Variants in COL28A1 observed in about 807,000 individuals in gnomAD.
The protein encoded by COL28A1 is collagen alpha-1(XXVIII) chain.
COL28A1 carries 161 observed loss-of-function variants against 150.2 expected under a neutral mutation model. The ratio of observed to expected loss-of-function variants is 1.07; its 90% CI spans 0.94 to 1.22. The LOEUF is 1.22. Ranked by LOEUF, COL28A1 falls within the 50% of genes most tolerant of loss-of-function variation. The pLI, the probability that COL28A1 is intolerant of heterozygous loss-of-function variation, is 0.00. For synonymous variants in COL28A1, 552 were observed against 469.7 expected (o/e 1.18, Z -2.26); for missense variants, 1,617 against 1,388.3 (o/e 1.16, Z -2.62).
intron 11 of COL28A1, among the ~76,000 whole-genome samples, chr7:7,502,523 A>G (rs867584118): frequency 6.6e-6 from 1 of 152,172 alleles, no homozygotes; most frequent in Non-Finnish European, 1.5e-5. Flanking sequence ...CAAGAGAAAG[A>G]CCATTTGTAA....
chr7:7,487,911 A>G (rs1779715867), intron 13 of COL28A1, among the ~76,000 whole-genome samples: 1 of 152,164 alleles, frequency 6.6e-6, no homozygotes, highest in South Asian at 2.1e-4. Flanking sequence ...AGGAAGCCCA[A>G]GCAACCACTG....
At chr7:7,399,182 C>A (rs1299761668) in intron 27 of COL28A1, among the ~76,000 whole-genome samples, 1 of 152,118 alleles carries the variant, frequency 6.6e-6, no homozygotes, top group Admixed American at 6.6e-5. Context: ...CTCCACTCAC[C>A]CCTCAGGCTC....
In COL28A1 at chr7:7,463,208, G is replaced by A. The variant is rs188743127; in HGVS notation, c.1303-7096C>T. ...CACCTGGGAGATTCATCGCAAAAAA[G>A]ATCATCACCCAGGAACACTGTCATC... On this transcript the variant is annotated intron_variant, in intron 15 of 34. Transcript: ENST00000399429. Among the ~76,000 whole-genome samples the A allele has an allele frequency of 7.4e-4, 113 of 152,206 alleles. 1 individual carries two copies. Among genetic ancestry groups the A allele is most frequent in the African/African-American group, 2.5e-3 (104 of 41,542 alleles).
At chr7:7,477,918 G>C (rs1200253673) in intron 13 of COL28A1, among the ~76,000 whole-genome samples, 2 of 152,270 alleles carry the variant, frequency 1.3e-5, no homozygotes, top group Admixed American at 6.5e-5. Context: ...CGTTTTGACA[G>C]GGTGCTGATT....
chr7:7,430,644 T>C (rs991715308), intron 25 of COL28A1, among the ~76,000 whole-genome samples: 9 of 152,236 alleles, frequency 5.9e-5, no homozygotes, highest in African/African-American at 2.2e-4. Flanking sequence ...TCATGTTTTA[T>C]TTTACATAGA....
chr7:7,532,438 C>G (rs1782420827), intron 2 of COL28A1, among the ~76,000 whole-genome samples: 1 of 151,994 alleles, frequency 6.6e-6, no homozygotes, highest in African/African-American at 2.4e-5. Flanking sequence ...TGCCTATGGC[C>G]TTGAGTATGC....
chr7:7,400,306 C>A (rs924975008), intron 27 of COL28A1, among the ~76,000 whole-genome samples: 1 of 152,008 alleles, frequency 6.6e-6, no homozygotes, highest in African/African-American at 2.4e-5. Flanking sequence ...AAGAGCAAGG[C>A]AGAGGGAGAT....
intron 11 of COL28A1, among the ~76,000 whole-genome samples, chr7:7,494,918 A>G (rs116672352): frequency 0.013 from 2,014 of 152,276 alleles, 38 homozygotes; most frequent in African/African-American, 0.046. Context: ...ATGGAAAAGA[A>G]AAGAAACAAA....
intron 21 of COL28A1, among the ~76,000 whole-genome samples, chr7:7,438,738 G>C (rs1167750354): frequency 6.6e-6 from 1 of 152,032 alleles, no homozygotes; most frequent in African/African-American, 2.4e-5. Context: ...AAAATCTGTG[G>C]CATGTGATCA....
Position 7,533,986 on chromosome 7 carries a change from G to T in COL28A1, c.-37-1074C>A, listed in dbSNP as rs114981581. Among the ~76,000 whole-genome samples the T allele has an allele frequency of 4.5e-3, 688 of 152,250 alleles. 11 individuals carry two copies. The highest frequency in any genetic ancestry group is 0.016 in the African/African-American group (660 of 41,550). On this transcript the variant is annotated intron_variant, in intron 1 of 34. Transcript: ENST00000399429. ...AGGGGATAAGAATCTGGGAAATCAT[G>T]AGCACGATTTTTCCAGACTCTGAGT...
At chr7:7,532,665 C>T in intron 2 of COL28A1, 87 bp downstream of exon 2, 3 of 1,501,476 alleles carry the variant, frequency 2.0e-6, no homozygotes, top group Non-Finnish European at 2.7e-6. Context: ...ATATGGCTTG[C>T]TATTTATATC....
In COL28A1 at chr7:7,437,888, C is replaced by T. The variant is rs1785458385; in HGVS notation, c.1723-426G>A. On this transcript the variant is annotated intron_variant, in intron 21 of 34. Transcript: ENST00000399429. ...TTCTTTGTTGTTTTATTTTAATGAC[C>T]AAAGGTAAAATAGTCTTCCATTCCA... 2.0e-5 allele frequency among the ~76,000 whole-genome samples: 3 copies of T among 151,934 alleles called. No homozygotes were observed. In the South Asian group the frequency reaches 6.3e-4, roughly 32 times the overall value.
the COL28A1 span, chr7:7,380,696 C>G: frequency 6.2e-7 from 1 of 1,613,668 alleles, no homozygotes; most frequent in South Asian, 1.1e-5. Context: ...CTTGTAAACC[C>G]TACTTAGTGG....
chr7:7,541,957 A>G, the COL28A1 span, among the ~76,000 whole-genome samples: 1 of 152,066 alleles, frequency 6.6e-6, no homozygotes, highest in Non-Finnish European at 1.5e-5. Flanking sequence ...AAAAAAAATT[A>G]AGTAATCACA....
chr7:7,381,581 G>C lies in COL28A1; in HGVS notation c.2168C>G (p.Pro723Arg), dbSNP rs184719460. The C allele has an allele frequency of 9.3e-6, 15 of 1,613,836 alleles. No homozygotes were observed. Among genetic ancestry groups the C allele is most frequent in the Non-Finnish European group, 1.2e-5 (14 of 1,179,736 alleles). The change falls in exon 28 of 35, where the codon CCA becomes CGA. Residue 723 changes from proline (P) to arginine (R), a missense_variant. Physicochemically the swap from Pro to Arg is moderately radical, Grantham distance 103. Coordinates refer to ENST00000399429, the MANE Select transcript of COL28A1 (RefSeq NM_001037763.3). ...GAGGCCATGGCCCATTGTGCCCTTTGGGCCTGGGAAGCCTTGTGGTCCTTG... is the reference window on the plus strand; with the variant it reads ...GAGGCCATGGCCCATTGTGCCCTTTCGGCCTGGGAAGCCTTGTGGTCCTTG... Reference protein sequence around the residue: ...GEQGPQGFPGPKGTMGHGLPG... With the variant: ...GEQGPQGFPGRKGTMGHGLPG...
chr7:7,499,207 T>C (rs1391485846), intron 11 of COL28A1, among the ~76,000 whole-genome samples: 1 of 152,192 alleles, frequency 6.6e-6, no homozygotes, highest in East Asian at 1.9e-4. Flanking sequence ...ATTCAGACTT[T>C]GACGTCTTTG....
At position 7,510,639 on chromosome 7, in the gene COL28A1, T is replaced by C. The variant is rs1781080580; in HGVS notation, c.927+452A>G. On this transcript the variant is annotated intron_variant, in intron 9 of 34. Transcript: ENST00000399429. ...ATTTATCCAATTGTTTGTGTCTACA[T>C]TTTCAAAATTCCAAATCTCTATGTC... 2.0e-5 allele frequency among the ~76,000 whole-genome samples: 3 copies of C among 152,208 alleles called. No individual in the cohort carries two copies. The South Asian group carries it at 6.2e-4, about 31-fold the overall frequency.
chr7:7,438,668 T>G lies in COL28A1; in HGVS notation c.1723-1206A>C, dbSNP rs1270106670. On this transcript the variant is annotated intron_variant, in intron 21 of 34. Transcript: ENST00000399429. ...ATCTCATCAATTAAAATTTCATTTA[T>G]ATAAATTCATAACATATTAGTATGA... Among the ~76,000 whole-genome samples the G allele has an allele frequency of 2.8e-5, 4 of 144,916 alleles. No individual in the cohort carries two copies. The South Asian group carries it at 6.5e-4, about 24-fold the overall frequency.
At chr7:7,405,877 T>C (rs1294836050) in intron 27 of COL28A1, among the ~76,000 whole-genome samples, 2 of 152,220 alleles carry the variant, frequency 1.3e-5, no homozygotes, top group Non-Finnish European at 2.9e-5. Flanking sequence ...AATATGAGTC[T>C]TTAAAAGTAG....
Sources: gnomAD v4.1 joint callset for allele counts (sites outside exome capture counted in the v4.1 genomes callset) on GRCh38, gnomAD v4.1.1 for gene constraint, MANE v1.5 for transcripts, NCBI Gene and HGNC (gene_info 2026-07-23, HGNC 2026-07-21) for gene names.